Variants in MTMR3 observed in about 807,000 individuals in gnomAD.
MTMR3 encodes the protein phosphatidylinositol-3,5-bisphosphate 3-phosphatase MTMR3.
MTMR3 carries 32 observed loss-of-function variants against 132.4 expected under a neutral mutation model. That is an observed-to-expected ratio of 0.24 (90% CI 0.18 to 0.32). The LOEUF is 0.32. MTMR3 is among the 10% of genes least tolerant of loss of function. MTMR3 has a pLI of 1.00. For missense variants in MTMR3, 1,216 were observed against 1,489.6 expected (o/e 0.82, Z 3.02); for synonymous variants, 556 against 550.3 (o/e 1.01, Z -0.14).
At chr22:29,947,273 A>T (rs2065971298) in intron 1 of MTMR3, among the ~76,000 whole-genome samples, 1 of 152,146 alleles carries the variant, frequency 6.6e-6, no homozygotes, top group Non-Finnish European at 1.5e-5. Context: ...GACTTTGGAA[A>T]TGTAATATTA....
At chr22:29,931,561 C>T (rs1035658849) in intron 1 of MTMR3, among the ~76,000 whole-genome samples, 2 of 152,076 alleles carry the variant, frequency 1.3e-5, no homozygotes, top group African/African-American at 4.8e-5. Context: ...ACTATGGGCG[C>T]GTGCCCTCAT....
rs911721215 is a variant in MTMR3 at position 30,016,251 on chromosome 22, C to T, written c.1504-277C>T. The T allele has an allele frequency of 6.7e-5, 25 of 374,178 alleles. No individual in the cohort carries two copies. The Admixed American group carries it at 7.5e-4, about 11-fold the overall frequency. The allele number at this position is 374,178 out of a possible 1,614,324, so 23.2% of individuals were successfully genotyped here. ...CCTGCACCCAGTTCATATGCTGTGG[C>T]GCTTGTGAGAGTGGCTGTTAATTCA... On this transcript the variant is annotated intron_variant, in intron 14 of 19. Transcript: ENST00000401950.
At chr22:29,955,626 AT>A (rs2066173588) in intron 1 of MTMR3, among the ~76,000 whole-genome samples, 1 of 152,264 alleles carries the variant, frequency 6.6e-6, no homozygotes, top group Non-Finnish European at 1.5e-5. Flanking sequence ...GGCCTGAGTT[AT>A]AAAACATAAA....
intron 3 of MTMR3, among the ~76,000 whole-genome samples, chr22:29,974,890 T>G (rs1425323044): frequency 6.6e-6 from 1 of 152,218 alleles, no homozygotes. Flanking sequence ...CCCTCCATGT[T>G]TACATAGCAT....
At chr22:29,895,775 A>G (rs2064881646) in intron 1 of MTMR3, among the ~76,000 whole-genome samples, 1 of 152,142 alleles carries the variant, frequency 6.6e-6, no homozygotes. Context: ...CAGACCGCCA[A>G]ACAGTGACCA....
intron 1 of MTMR3, among the ~76,000 whole-genome samples, chr22:29,944,526 TGGA>T (rs1226606503): frequency 6.6e-6 from 1 of 152,214 alleles, no homozygotes; most frequent in African/African-American, 2.4e-5. Context: ...CAAATTGAGT[TGGA>T]GGAGGATAGT....
chr22:29,906,634 C>A (rs1283337571), intron 1 of MTMR3, among the ~76,000 whole-genome samples: 1 of 152,088 alleles, frequency 6.6e-6, no homozygotes, highest in Non-Finnish European at 1.5e-5. Context: ...CCGTGCCTGG[C>A]CTGTCTCACT....
intron 2 of MTMR3, among the ~76,000 whole-genome samples, chr22:29,960,564 T>G (rs1210369424): frequency 6.6e-6 from 1 of 152,240 alleles, no homozygotes; most frequent in Admixed American, 6.5e-5. Flanking sequence ...AACCATGTGT[T>G]GTCATATGTA....
chr22:30,004,560 A>T (rs991866132), intron 9 of MTMR3: 3 of 152,116 alleles, frequency 2.0e-5, no homozygotes, highest in Non-Finnish European at 4.4e-5. Flanking sequence ...CTTTTTCTAG[A>T]GATACAAGAG....
At chr22:29,935,984 C>G (rs1346511632) in intron 1 of MTMR3, among the ~76,000 whole-genome samples, 3 of 151,752 alleles carry the variant, frequency 2.0e-5, no homozygotes, top group Non-Finnish European at 4.4e-5. Flanking sequence ...GATCTCCTGA[C>G]CTCATGATCC....
chr22:29,891,968 CA>C (rs1340490550), intron 1 of MTMR3, among the ~76,000 whole-genome samples: 5 of 151,874 alleles, frequency 3.3e-5, no homozygotes, highest in African/African-American at 1.2e-4. Flanking sequence ...TCCTGGCTAA[CA>C]CCGTGAAACC....
intron 9 of MTMR3, 107 bp from the exon 10 acceptor site, chr22:30,007,007 A>G (rs2067286590): frequency 8.4e-7 from 1 of 1,186,282 alleles, no homozygotes; most frequent in Non-Finnish European, 1.2e-6. Context: ...AGCTGACCCA[A>G]CACTTACCTA....
intron 13 of MTMR3, 50 bp downstream of exon 13, chr22:30,012,613 A>T (rs752645407): frequency 6.5e-7 from 1 of 1,530,486 alleles, no homozygotes; most frequent in East Asian, 2.3e-5. Flanking sequence ...GAGCCAGGGA[A>T]ACGTCTCAGG....
chr22:29,910,535 A>G (rs1194497286), intron 1 of MTMR3, among the ~76,000 whole-genome samples: 3 of 152,154 alleles, frequency 2.0e-5, no homozygotes, highest in African/African-American at 2.4e-5. Context: ...TAGCTATGTG[A>G]GTGCTACATG....
chr22:29,973,046 G>A (rs2066566730), intron 3 of MTMR3, among the ~76,000 whole-genome samples: 1 of 152,174 alleles, frequency 6.6e-6, no homozygotes, highest in African/African-American at 2.4e-5. Flanking sequence ...TCTGCAAGTT[G>A]TTGAACCATT....
chr22:30,017,933 T>C lies in MTMR3; in HGVS notation c.1681T>C (p.Tyr561His), dbSNP rs1362235909. 1.9e-6 allele frequency: 3 copies of C among 1,613,246 alleles called. No homozygotes were observed. The highest frequency in any genetic ancestry group is 2.5e-6 in the Non-Finnish European group (3 of 1,179,634). ...LYSSQSEAVL[Y>H]PVCHVRNLML... ...TGTCCTCCCCCCTCCTCAGGTGCTG[T>C]ACCCTGTGTGCCATGTGCGTAACCT... The change falls in exon 16 of 20, where the codon TAC becomes CAC. Residue 561 changes from tyrosine to histidine, a missense_variant. Physicochemically the swap from Tyr to His is moderately conservative, Grantham distance 83. Transcript: ENST00000401950.
chr22:29,906,422 G>A (rs573494567), intron 1 of MTMR3, among the ~76,000 whole-genome samples: 158 of 151,992 alleles, frequency 1.0e-3, no homozygotes, highest in Middle Eastern at 6.8e-3. Flanking sequence ...ATCTCCTCCC[G>A]GGTTCAAGCA....
intron 5 of MTMR3, chr22:29,980,980 C>G (rs2066730033): frequency 6.6e-6 from 1 of 152,174 alleles, no homozygotes; most frequent in South Asian, 2.1e-4. Context: ...TCAGCCATAC[C>G]TCACACCTCT....
chr22:29,889,356 C>T (rs1268775951), intron 1 of MTMR3, among the ~76,000 whole-genome samples: 2 of 143,866 alleles, frequency 1.4e-5, no homozygotes, highest in African/African-American at 5.2e-5. Flanking sequence ...GGTGTGATCT[C>T]AGCTCACTGC....
Sources: allele counts gnomAD v4.1 joint callset (sites outside exome capture counted in the v4.1 genomes callset), GRCh38; gene constraint gnomAD v4.1.1; transcripts MANE v1.5; gene names NCBI Gene and HGNC (gene_info 2026-07-23, HGNC 2026-07-21).